The following CSNK1G3 variants were observed in gnomAD, a reference collection of about 807,000 sequenced individuals.
CSNK1G3 encodes the protein casein kinase 1 gamma 3.
A neutral mutation model predicts 64.3 loss-of-function variants in CSNK1G3; 23 were observed. The ratio of observed to expected loss-of-function variants is 0.36; its 90% CI spans 0.26 to 0.51. The LOEUF is 0.51. Among genes scored for constraint, CSNK1G3 ranks in the 20% least tolerant of loss-of-function variants. CSNK1G3 has a pLI of 0.96. For synonymous variants in CSNK1G3, 158 were observed against 162.2 expected (o/e 0.97, Z 0.20); for missense variants, 357 against 510.5 (o/e 0.70, Z 2.90).
intron 4 of CSNK1G3, among the ~76,000 whole-genome samples, chr5:123,567,091 G>C (rs778640320): frequency 6.6e-6 from 1 of 152,180 alleles, no homozygotes; most frequent in Non-Finnish European, 1.5e-5. Context: ...CTCACTGGCA[G>C]ACAAGAGCTT....
chr5:123,614,501 T>G, exon 13 of CSNK1G3: 1 of 932,384 alleles, frequency 1.1e-6, no homozygotes, highest in Non-Finnish European at 1.5e-6. Flanking sequence ...GGACTCACTC[T>G]TAGAAACAAA....
chr5:123,598,037 T>A (rs1793759044), intron 10 of CSNK1G3, among the ~76,000 whole-genome samples: 3 of 152,168 alleles, frequency 2.0e-5, no homozygotes, highest in African/African-American at 7.2e-5. Context: ...TCTTATTTTA[T>A]CTCTTTAGTT....
intron 1 of CSNK1G3, among the ~76,000 whole-genome samples, chr5:123,528,385 C>T (rs1360171839): frequency 6.6e-6 from 1 of 152,086 alleles, no homozygotes; most frequent in Non-Finnish European, 1.5e-5. Flanking sequence ...AGAGGTTGTT[C>T]ATTCATTTAT....
chr5:123,558,190 C>T (rs1581118703), intron 4 of CSNK1G3, among the ~76,000 whole-genome samples: 1 of 152,126 alleles, frequency 6.6e-6, no homozygotes, highest in Non-Finnish European at 1.5e-5. Context: ...CTCTTACCTC[C>T]ATAACTGTAA....
In CSNK1G3 at chr5:123,542,082, T is replaced by C. The variant is rs1581012456; in HGVS notation, c.-247-3335T>C. Among the ~76,000 whole-genome samples, 4 of 152,292 alleles carry C rather than the reference T, an allele frequency of 2.6e-5. No homozygotes were observed. The East Asian group carries it at 7.7e-4, about 29-fold the overall frequency. ...ATAATTCTTCACAAATAGAATATTT[T>C]CCCCATCTGTTTTCTTTTTATATAT... On this transcript the variant is annotated intron_variant, in intron 1 of 12. Transcript: ENST00000345990.
Position 123,515,578 on chromosome 5 carries a change from C to T in CSNK1G3, c.-248+3008C>T, listed in dbSNP as rs1777001441. The stretch of plus-strand genomic sequence containing the variant: ...ATTAACGTGTGTGAGGTTTTTAAGT[C>T]ATCTTAAATATTAGACGACCCTAAA... On this transcript the variant is annotated intron_variant, in intron 1 of 12. Transcript: ENST00000345990. Among the ~76,000 whole-genome samples the T allele has an allele frequency of 2.0e-5, 3 of 151,966 alleles. No individual in the cohort carries two copies. The South Asian group carries it at 6.2e-4, about 32-fold the overall frequency.
At chr5:123,605,317 T>C in intron 11 of CSNK1G3, 22 bp from the exon 13 acceptor site, 1 of 1,595,868 alleles carries the variant, frequency 6.3e-7, no homozygotes, top group Non-Finnish European at 8.5e-7. Context: ...CCTTGTATTT[T>C]TTTTTTTGTG....
At chr5:123,530,277 ATAAT>A (rs975849343) in intron 1 of CSNK1G3, among the ~76,000 whole-genome samples, 1 of 152,168 alleles carries the variant, frequency 6.6e-6, no homozygotes, top group Non-Finnish European at 1.5e-5. Context: ...TGAGAGCTGA[ATAAT>A]TAGACTATTA....
intron 1 of CSNK1G3, among the ~76,000 whole-genome samples, chr5:123,522,186 C>T (rs1778226469): frequency 6.6e-6 from 1 of 152,020 alleles, no homozygotes; most frequent in Non-Finnish European, 1.5e-5. Context: ...TACAGTTCCT[C>T]AGATTCGTTC....
intron 10 of CSNK1G3, among the ~76,000 whole-genome samples, chr5:123,599,793 A>C (rs909798781): frequency 1.3e-5 from 2 of 152,098 alleles, no homozygotes; most frequent in African/African-American, 4.8e-5. Flanking sequence ...TAAATAATTT[A>C]TAGTTCATCT....
chr5:123,608,478 A>G (rs1044000567), intron 12 of CSNK1G3, among the ~76,000 whole-genome samples: 1 of 152,196 alleles, frequency 6.6e-6, no homozygotes, highest in African/African-American at 2.4e-5. Flanking sequence ...CATTCCTTCC[A>G]GGAACTTAGG....
intron 4 of CSNK1G3, among the ~76,000 whole-genome samples, chr5:123,562,579 ATAT>A (rs1293077222): frequency 6.6e-6 from 1 of 152,070 alleles, no homozygotes; most frequent in African/African-American, 2.4e-5. Flanking sequence ...TGATATTTTA[ATAT>A]TACACAAAAT....
At chr5:123,537,655 A>G (rs989277112) in intron 1 of CSNK1G3, among the ~76,000 whole-genome samples, 1 of 152,148 alleles carries the variant, frequency 6.6e-6, no homozygotes, top group East Asian at 1.9e-4. Context: ...GCAGTTTTTT[A>G]TGTGTGTATG....
intron 10 of CSNK1G3, among the ~76,000 whole-genome samples, chr5:123,599,591 C>T (rs886893901): frequency 3.3e-5 from 5 of 152,136 alleles, no homozygotes; most frequent in African/African-American, 9.7e-5. Context: ...TTACATTAAT[C>T]GTGAATACTG....
At chr5:123,595,441 CAAT>C (rs1293223105) in intron 10 of CSNK1G3, among the ~76,000 whole-genome samples, 5 of 151,968 alleles carry the variant, frequency 3.3e-5, no homozygotes, top group Non-Finnish European at 7.4e-5. Context: ...CTTGACTTTC[CAAT>C]AATAAGATCA....
At chr5:123,616,752 AT>A (rs1247740708) in exon 13 of CSNK1G3, 1 of 152,638 alleles carries the variant, frequency 6.6e-6, no homozygotes, top group Non-Finnish European at 1.5e-5. Context: ...ATAAAAAAAA[AT>A]AAAAGTAGTT....
At chr5:123,536,187 C>T (rs1455872653) in intron 1 of CSNK1G3, among the ~76,000 whole-genome samples, 1 of 152,008 alleles carries the variant, frequency 6.6e-6, no homozygotes, top group Non-Finnish European at 1.5e-5. Context: ...TTGGAGCATA[C>T]ACATCAAATG....
chr5:123,548,684 T>C (rs1783049371), intron 2 of CSNK1G3, among the ~76,000 whole-genome samples: 1 of 151,742 alleles, frequency 6.6e-6, no homozygotes, highest in Admixed American at 6.6e-5. Flanking sequence ...GACAGGAGGA[T>C]AGCTTGATTC....
At chr5:123,583,569 G>T (rs1790755819) in intron 6 of CSNK1G3, among the ~76,000 whole-genome samples, 1 of 148,336 alleles carries the variant, frequency 6.7e-6, no homozygotes, top group Non-Finnish European at 1.5e-5. Context: ...TCTGCATGTT[G>T]GTCAGGCTGC....
Sources: gnomAD v4.1 joint callset for allele counts (sites outside exome capture counted in the v4.1 genomes callset) on GRCh38, gnomAD v4.1.1 for gene constraint, MANE v1.5 for transcripts, NCBI Gene and HGNC (gene_info 2026-07-23, HGNC 2026-07-21) for gene names.